The following ADGRL3 variants were observed in gnomAD, a reference collection of about 807,000 sequenced individuals.
The protein encoded by ADGRL3 is calcium-independent alpha-latrotoxin receptor 3.
ADGRL3 carries 62 observed loss-of-function variants against 153.5 expected under a neutral mutation model. The ratio of observed to expected loss-of-function variants is 0.40; its 90% CI spans 0.33 to 0.50. The LOEUF is 0.50. Ranked by LOEUF, ADGRL3 falls within the 20% of genes least tolerant of loss-of-function variation. ADGRL3 has a pLI of 0.47. For synonymous variants in ADGRL3, 710 were observed against 672.5 expected (o/e 1.06, Z -0.86); for missense variants, 1,641 against 1,859.4 (o/e 0.88, Z 2.16).
chr4:61,765,579 A>G (rs1239189877), intron 8 of ADGRL3, among the ~76,000 whole-genome samples: 1 of 152,044 alleles, frequency 6.6e-6, no homozygotes, highest in East Asian at 1.9e-4. Context: ...TGACTGATAA[A>G]GGCTCGTCTG....
chr4:61,420,807 A>T (rs912407118), intron 2 of ADGRL3: 1 of 151,298 alleles, frequency 6.6e-6, no homozygotes, highest in Non-Finnish European at 1.5e-5. Flanking sequence ...AAAAAAAAAA[A>T]GTCTACTTAC....
chr4:62,015,591 A>G (rs565381088), intron 21 of ADGRL3, among the ~76,000 whole-genome samples: 4 of 152,264 alleles, frequency 2.6e-5, no homozygotes, highest in Admixed American at 1.3e-4. Context: ...AATTTACTGC[A>G]TCTTGCACAA....
chr4:61,209,378 A>C (rs1220195840), intron 1 of ADGRL3, among the ~76,000 whole-genome samples: 2 of 152,208 alleles, frequency 1.3e-5, no homozygotes, highest in African/African-American at 4.8e-5. Context: ...GAGTAATAGG[A>C]AGTAAATATA....
chr4:61,991,697 A>G (rs1244685798), intron 19 of ADGRL3, among the ~76,000 whole-genome samples: 3 of 151,756 alleles, frequency 2.0e-5, no homozygotes, highest in Non-Finnish European at 4.4e-5. Flanking sequence ...CATTAGATGT[A>G]TGAATGTGCT....
At chr4:61,346,917 T>C (rs2095925906) in intron 1 of ADGRL3, among the ~76,000 whole-genome samples, 1 of 152,062 alleles carries the variant, frequency 6.6e-6, no homozygotes, top group African/African-American at 2.4e-5. Context: ...GTCTTAATTA[T>C]GAAAAACTGT....
chr4:62,073,513 G>A lies in ADGRL3; in HGVS notation c.*2605G>A, dbSNP rs1746287763. The A allele has an allele frequency of 1.3e-5, 2 of 152,132 alleles. No homozygotes were observed. The highest frequency in any genetic ancestry group is 4.1e-4 in the South Asian group (2 of 4,832). 9.4% of individuals were successfully genotyped at this position (152,132 alleles called of 1,614,324 possible). A position where few individuals can be genotyped will look rare whatever the true frequency, so the allele number is the denominator to read the frequency against. On this transcript the variant is annotated 3_prime_UTR_variant, in exon 27 of 27. Coordinates refer to ENST00000683033, the MANE Select transcript of ADGRL3 (RefSeq NM_001387552.1). ...AACACAAATGTGGTCTGTGGATTAT[G>A]AGCACTTATGCTTGTTTTGTCAAAC...
chr4:62,007,395 C>CACATATAT (rs369431931), intron 21 of ADGRL3, among the ~76,000 whole-genome samples: 5 of 76,432 alleles, frequency 6.5e-5, no homozygotes, highest in African/African-American at 2.6e-4. Flanking sequence ...CACACACACA[C>CACATATAT]ATATATATAT....
At chr4:61,595,287 C>A (rs2098984465) in intron 5 of ADGRL3, among the ~76,000 whole-genome samples, 1 of 152,146 alleles carries the variant, frequency 6.6e-6, no homozygotes, top group African/African-American at 2.4e-5. Context: ...TTTTCTGAAG[C>A]CAGCACGTCT....
At chr4:61,513,793 A>G (rs2098476521) in intron 3 of ADGRL3, among the ~76,000 whole-genome samples, 1 of 152,210 alleles carries the variant, frequency 6.6e-6, no homozygotes, top group Non-Finnish European at 1.5e-5. Context: ...AGTTTTTAAA[A>G]GATAAGCATG....
intron 5 of ADGRL3, among the ~76,000 whole-genome samples, chr4:61,628,344 G>T (rs531862669): frequency 5.3e-5 from 8 of 152,136 alleles, no homozygotes; most frequent in Non-Finnish European, 1.0e-4. Flanking sequence ...GATCAGCCTT[G>T]CTGGTCCTAT....
At chr4:61,827,262 G>A (rs2097817773) in intron 9 of ADGRL3, among the ~76,000 whole-genome samples, 1 of 152,166 alleles carries the variant, frequency 6.6e-6, no homozygotes, top group South Asian at 2.1e-4. Context: ...GCTGAATATT[G>A]ATTCTGTTAA....
At chr4:61,550,010 A>G (rs2098732975) in intron 4 of ADGRL3, among the ~76,000 whole-genome samples, 1 of 151,974 alleles carries the variant, frequency 6.6e-6, no homozygotes, top group South Asian at 2.1e-4. Context: ...ATCACATTTA[A>G]TATACTCAAA....
chr4:61,449,436 A>AT (rs1029219020), intron 2 of ADGRL3, among the ~76,000 whole-genome samples: 10 of 151,578 alleles, frequency 6.6e-5, no homozygotes, highest in African/African-American at 2.4e-4. Context: ...CGCCCGGCCT[A>AT]TTTTTTCCAT....
chr4:61,871,761 G>A (rs891189293), intron 9 of ADGRL3, among the ~76,000 whole-genome samples: 1 of 152,078 alleles, frequency 6.6e-6, no homozygotes, highest in Non-Finnish European at 1.5e-5. Flanking sequence ...TATATGGTAT[G>A]TGAATTATAT....
At chr4:61,982,578 A>G (rs2099072223) in intron 18 of ADGRL3, among the ~76,000 whole-genome samples, 1 of 152,208 alleles carries the variant, frequency 6.6e-6, no homozygotes, top group Non-Finnish European at 1.5e-5. Flanking sequence ...AGAATAACTC[A>G]AAGAAATGAG....
chr4:61,400,452 CT>C (rs1370281757), intron 2 of ADGRL3, among the ~76,000 whole-genome samples: 4 of 151,656 alleles, frequency 2.6e-5, no homozygotes, highest in African/African-American at 9.7e-5. Context: ...GAAAAGTGAA[CT>C]AGAAATAATT....
intron 5 of ADGRL3, among the ~76,000 whole-genome samples, chr4:61,627,406 G>T (rs1273504103): frequency 1.3e-5 from 2 of 152,082 alleles, no homozygotes; most frequent in African/African-American, 4.8e-5. Context: ...CTGAGGTCAG[G>T]AGTCCGATGA....
chr4:61,393,244 C>G (rs1402331690), intron 2 of ADGRL3, among the ~76,000 whole-genome samples: 1 of 151,770 alleles, frequency 6.6e-6, no homozygotes, highest in African/African-American at 2.4e-5. Context: ...GTTAGTTGGC[C>G]TCTGTGTTTA....
intron 2 of ADGRL3, among the ~76,000 whole-genome samples, chr4:61,496,293 A>AT (rs1197265436): frequency 6.6e-6 from 1 of 152,200 alleles, no homozygotes; most frequent in Non-Finnish European, 1.5e-5. Context: ...TGTTAGTGAA[A>AT]TTATACTGTG....
Sources: allele counts gnomAD v4.1 joint callset (sites outside exome capture counted in the v4.1 genomes callset), GRCh38; gene constraint gnomAD v4.1.1; transcripts MANE v1.5; gene names NCBI Gene and HGNC (gene_info 2026-07-23, HGNC 2026-07-21).